Variants in NAALADL2 observed in about 807,000 individuals in gnomAD.
The protein encoded by NAALADL2 is N-acetylated alpha-linked acidic dipeptidase like 2.
A neutral mutation model predicts 87.2 loss-of-function variants in NAALADL2; 76 were observed. The observed-to-expected ratio is 0.87, with a 90% confidence interval of 0.72 to 1.05. The LOEUF is 1.05. Among genes scored for constraint, NAALADL2 ranks in the 50% least tolerant of loss-of-function variants. The pLI is 0.00. For synonymous variants in NAALADL2, 354 were observed against 331.0 expected, an observed-to-expected ratio of 1.07 and a Z score of -0.75; for missense variants, 1,089 against 945.8, an observed-to-expected ratio of 1.15 and a Z score of -1.99.
At chr3:175,146,639 A>G (rs9835242) in intron 2 of NAALADL2, among the ~76,000 whole-genome samples, 52,521 of 151,996 alleles carry the variant, frequency 0.35, 9,135 homozygotes, top group Middle Eastern at 0.39. Context: ...CTTCAATCAC[A>G]TGAACTAAGA....
chr3:175,419,530 T>G (rs1485653397), intron 5 of NAALADL2, among the ~76,000 whole-genome samples: 2 of 152,114 alleles, frequency 1.3e-5, no homozygotes, highest in Admixed American at 6.6e-5. Flanking sequence ...TATCTTCCAG[T>G]ATACTGCATA....
intron 2 of NAALADL2, among the ~76,000 whole-genome samples, chr3:174,673,945 TAAAAA>T (rs59457199): frequency 6.6e-6 from 1 of 151,532 alleles, no homozygotes. Flanking sequence ...TATGTATTAA[TAAAAA>T]AAAATTGGCA....
At chr3:175,556,018 GC>G (rs1715205447) in intron 9 of NAALADL2, among the ~76,000 whole-genome samples, 1 of 152,066 alleles carries the variant, frequency 6.6e-6, no homozygotes, top group South Asian at 2.1e-4. Flanking sequence ...TACTGATGCA[GC>G]CAAGCCAGAG....
chr3:175,605,644 T>TTTCTTTTTTG, intron 10 of NAALADL2, among the ~76,000 whole-genome samples: 1 of 133,036 alleles, frequency 7.5e-6, no homozygotes, highest in East Asian at 2.3e-4. Context: ...TTGCTTGTTT[T>TTTCTTTTTTG]TTTTTTTTTT....
intron 2 of NAALADL2, among the ~76,000 whole-genome samples, chr3:175,161,543 G>A (rs111710064): frequency 6.6e-6 from 1 of 152,188 alleles, no homozygotes; most frequent in African/African-American, 2.4e-5. Flanking sequence ...CAGGGCAGAG[G>A]ATCCAGGTAC....
At chr3:174,793,340 G>C (rs1439228509) in intron 3 of NAALADL2, among the ~76,000 whole-genome samples, 2 of 152,030 alleles carry the variant, frequency 1.3e-5, no homozygotes, top group African/African-American at 2.4e-5. Context: ...AGTCATGGTG[G>C]ATAATCTCTA....
intron 2 of NAALADL2, among the ~76,000 whole-genome samples, chr3:174,689,459 C>T (rs2108848827): frequency 1.3e-5 from 2 of 151,206 alleles, no homozygotes; most frequent in Non-Finnish European, 2.9e-5. Context: ...TTCCATTTTC[C>T]TTTTCTGTTA....
intron 2 of NAALADL2, chr3:174,550,801 G>A (rs766229741): frequency 9.2e-5 from 14 of 151,798 alleles, no homozygotes; most frequent in Non-Finnish European, 1.5e-4. Flanking sequence ...TCTTTTGGGG[G>A]CAGTTGTTTA....
intron 1 of NAALADL2, among the ~76,000 whole-genome samples, chr3:175,044,007 G>T (rs547403767): frequency 6.6e-6 from 1 of 152,126 alleles, no homozygotes; most frequent in Non-Finnish European, 1.5e-5. Flanking sequence ...CAATCTGTGA[G>T]CATAGGATAT....
At chr3:174,900,038 G>C (rs1276969151) in intron 1 of NAALADL2, among the ~76,000 whole-genome samples, 1 of 151,420 alleles carries the variant, frequency 6.6e-6, no homozygotes, top group Non-Finnish European at 1.5e-5. Context: ...TAGAAGTTTG[G>C]CAAAACAAAA....
At chr3:174,659,505 T>C (rs1218425044) in intron 2 of NAALADL2, among the ~76,000 whole-genome samples, 1 of 152,208 alleles carries the variant, frequency 6.6e-6, no homozygotes, top group African/African-American at 2.4e-5. Context: ...TCCACCTAAA[T>C]GGTTATCACA....
At chr3:175,284,629 G>A (rs1228119131) in intron 4 of NAALADL2, among the ~76,000 whole-genome samples, 3 of 152,042 alleles carry the variant, frequency 2.0e-5, no homozygotes, top group Admixed American at 1.3e-4. Flanking sequence ...CTTGTAAGGT[G>A]TGAAGAATCA....
At chr3:174,641,605 A>G (rs1438370835) in intron 2 of NAALADL2, among the ~76,000 whole-genome samples, 1 of 152,172 alleles carries the variant, frequency 6.6e-6, no homozygotes, top group Non-Finnish European at 1.5e-5. Context: ...GTCCCTGGTA[A>G]AGTAAGTTAC....
intron 1 of NAALADL2, among the ~76,000 whole-genome samples, chr3:175,061,324 C>A (rs1339534011): frequency 6.6e-6 from 1 of 152,062 alleles, no homozygotes; most frequent in Non-Finnish European, 1.5e-5. Context: ...ATTTTATAAG[C>A]AGAATTATGA....
chr3:174,793,501 C>A (rs1275043171), intron 3 of NAALADL2, among the ~76,000 whole-genome samples: 1 of 152,024 alleles, frequency 6.6e-6, no homozygotes, highest in Non-Finnish European at 1.5e-5. Context: ...GTAAATAAGA[C>A]AAAAATCACC....
chr3:174,614,963 G>A (rs942420185), intron 2 of NAALADL2, among the ~76,000 whole-genome samples: 1 of 152,106 alleles, frequency 6.6e-6, no homozygotes, highest in Non-Finnish European at 1.5e-5. Context: ...CACAAATTAC[G>A]TAGCCAACAA....
At chr3:174,465,835 CTAATACCTCCATTTTCT>C (rs1716500767) in intron 1 of NAALADL2, among the ~76,000 whole-genome samples, 1 of 151,942 alleles carries the variant, frequency 6.6e-6, no homozygotes, top group African/African-American at 2.4e-5. Flanking sequence ...AAAAAAGTTT[CTAATACCTCCATTTTCT>C]TAATACCTCC....
chr3:175,087,404 G>T (rs533731119), intron 1 of NAALADL2, among the ~76,000 whole-genome samples: 2 of 152,326 alleles, frequency 1.3e-5, no homozygotes, highest in South Asian at 4.2e-4. Flanking sequence ...CCGTCTGGGA[G>T]GTGTACCCAA....
At chr3:174,770,829 C>T (rs1028924961) in intron 3 of NAALADL2, among the ~76,000 whole-genome samples, 1 of 145,480 alleles carries the variant, frequency 6.9e-6, no homozygotes, top group African/African-American at 2.6e-5. Context: ...GCCTGGGCGA[C>T]AGCAAGACTC....
Sources: allele counts gnomAD v4.1 joint callset (sites outside exome capture counted in the v4.1 genomes callset), GRCh38; gene constraint gnomAD v4.1.1; transcripts MANE v1.5; gene names NCBI Gene and HGNC (gene_info 2026-07-23, HGNC 2026-07-21).